The following ZNF329 variants were observed in gnomAD, a reference collection of about 807,000 sequenced individuals.
ZNF329 encodes zinc finger protein 329.
Under a neutral mutation model 26.6 loss-of-function variants are expected in ZNF329, and 15 were observed. The ratio of observed to expected loss-of-function variants is 0.56; its 90% CI spans 0.38 to 0.87. ZNF329 has a LOEUF of 0.87. ZNF329 is among the 40% of genes least tolerant of loss of function. The probability of loss-of-function intolerance (pLI) is 0.00; values close to 1 mark genes in which losing one functional copy is unlikely to be tolerated. For missense variants in ZNF329, 651 were observed against 651.9 expected (o/e 1.00, Z 0.02); for synonymous variants, 239 against 233.5 (o/e 1.02, Z -0.21).
chr19:58,140,028 A>G (rs952648360), intron 3 of ZNF329, among the ~76,000 whole-genome samples: 1 of 152,206 alleles, frequency 6.6e-6, no homozygotes, highest in African/African-American at 2.4e-5. Context: ...TTCCACTGCT[A>G]CGGTTTGGAT....
At chr19:58,144,306 C>G (rs1028358466) in intron 1 of ZNF329, among the ~76,000 whole-genome samples, 5 of 146,928 alleles carry the variant, frequency 3.4e-5, no homozygotes, top group Admixed American at 1.4e-4. Context: ...TCCTGAGTAG[C>G]CAGGACTACA....
chr19:58,128,031 G>A lies in ZNF329; in HGVS notation c.1473C>T (p.Ser491=). The A allele has an allele frequency of 6.2e-7, 1 of 1,613,982 alleles. No individual in the cohort carries two copies. Among genetic ancestry groups the A allele is most frequent in the Non-Finnish European group, 8.5e-7 (1 of 1,179,988 alleles). ...TPYQCPECGK[S]FKQNSHLAVH... Reference sequence around the variant, plus strand: ...CTGCCAGGTGAGAGTTCTGCTTGAAGGACTTCCCACATTCTGGACACTGAT... The same window carrying A: ...CTGCCAGGTGAGAGTTCTGCTTGAAAGACTTCCCACATTCTGGACACTGAT... Residue 491 remains serine, a synonymous_variant, in exon 4 of 4, where the codon TCC becomes TCT. Transcript: ENST00000598312.
At chr19:58,152,287 T>C (rs1340980244), upstream of ZNF329, among the ~76,000 whole-genome samples, 1 of 151,934 alleles carries the variant, frequency 6.6e-6, no homozygotes, top group Non-Finnish European at 1.5e-5. Context: ...TCCAACTCTT[T>C]GGGAAGCCGG....
At chr19:58,148,713 A>T (rs1446337400) in intron 1 of ZNF329, among the ~76,000 whole-genome samples, 39 of 152,196 alleles carry the variant, frequency 2.6e-4, no homozygotes, top group Non-Finnish European at 3.4e-4. Flanking sequence ...TTAAAAAATA[A>T]GAACGTTACT....
chr19:58,142,346 G>A (rs978447940), intron 3 of ZNF329, among the ~76,000 whole-genome samples: 2 of 152,138 alleles, frequency 1.3e-5, no homozygotes, highest in African/African-American at 4.8e-5. Context: ...ACAATGAATT[G>A]TACACTTAAA....
At chr19:58,136,629 T>C (rs1387107706) in intron 3 of ZNF329, 1 of 135,256 alleles carries the variant, frequency 7.4e-6, no homozygotes, top group Non-Finnish European at 1.5e-5. Context: ...AAGGCTGCAG[T>C]GAGTCATGAT....
Position 58,128,122 on chromosome 19 carries a change from C to A in ZNF329, c.1382G>T (p.Gly461Val). The A allele has an allele frequency of 6.3e-7, 1 of 1,596,518 alleles. No individual in the cohort carries two copies. The highest frequency in any genetic ancestry group is 1.1e-5 in the South Asian group (1 of 88,084). The change falls in exon 4 of 4, where the codon GGC (glycine) becomes GTC (valine). Residue 461 changes from glycine to valine, a missense_variant. Gly to Val is a moderately radical substitution (Grantham distance 109). Coordinates refer to ENST00000598312, the MANE Select transcript of ZNF329 (RefSeq NM_024620.4). Reference protein sequence around the residue: ...GEKPYECNQCGKAFRDSSCLT... With the variant: ...GEKPYECNQCVKAFRDSSCLT... ...ACAGGAGCTGTCCCTGAAGGCTTTG[C>A]CACACTGATTACACTCATAGGGCTT... is the stretch of plus-strand genomic sequence containing the variant.
At chr19:58,146,564 C>T (rs1187139336) in intron 1 of ZNF329, among the ~76,000 whole-genome samples, 1 of 141,606 alleles carries the variant, frequency 7.1e-6, no homozygotes, top group African/African-American at 3.2e-5. Context: ...CACGGTCTCC[C>T]TCTCCCTCTC....
chr19:58,139,728 G>C (rs2075144597), intron 3 of ZNF329, among the ~76,000 whole-genome samples: 1 of 152,136 alleles, frequency 6.6e-6, no homozygotes, highest in Non-Finnish European at 1.5e-5. Flanking sequence ...GTTCTGAATA[G>C]ATATTTCCCC....
intron 1 of ZNF329, 48 bp downstream of exon 1, chr19:58,150,704 C>T (rs2075432596): frequency 6.5e-6 from 1 of 152,746 alleles, no homozygotes; most frequent in African/African-American, 2.4e-5. Context: ...GACTTCCCTC[C>T]GCAGGAAACG....
chr19:58,142,223 G>C (rs1326625362), intron 3 of ZNF329, among the ~76,000 whole-genome samples: 1 of 152,144 alleles, frequency 6.6e-6, no homozygotes, highest in Admixed American at 6.6e-5. Context: ...CCTAGGGCTG[G>C]GAAAGATGGG....
In ZNF329 at chr19:58,128,718, A is replaced by C. The variant is rs1421778879; in HGVS notation, c.786T>G (p.Ser262Arg). Residue 262 changes from serine to arginine, a missense_variant, in exon 4 of 4, where the codon AGT becomes AGG. Coordinates refer to ENST00000598312, the MANE Select transcript of ZNF329 (RefSeq NM_024620.4). ...IHTGEKPYEC[S>R]KCGKAFSDGS... ...CATCACTGAAAGCTTTCCCACATTT[A>C]CTGCATTCATAGGGCTTCTCTCCTG... is the stretch of plus-strand genomic sequence containing the variant. 1.2e-6 allele frequency: 2 copies of C among 1,607,186 alleles called. No individual in the cohort carries two copies. Among genetic ancestry groups the C allele is most frequent in the Non-Finnish European group, 1.7e-6 (2 of 1,177,060 alleles).
At chr19:58,152,223 T>A (rs1295661174), upstream of ZNF329, among the ~76,000 whole-genome samples, 2 of 152,154 alleles carry the variant, frequency 1.3e-5, no homozygotes, top group Admixed American at 1.3e-4. Flanking sequence ...AGTATTTTTT[T>A]AATTTCTCCA....
At chr19:58,133,208 A>G (rs2146076764) in intron 3 of ZNF329, among the ~76,000 whole-genome samples, 1 of 152,346 alleles carries the variant, frequency 6.6e-6, no homozygotes, top group Non-Finnish European at 1.5e-5. Flanking sequence ...CTGGAAACCC[A>G]AAGGTAACGG....
chr19:58,149,551 T>A (rs200947781), intron 1 of ZNF329, among the ~76,000 whole-genome samples: 2 of 152,110 alleles, frequency 1.3e-5, no homozygotes, highest in East Asian at 3.8e-4. Context: ...TCCTGCAACT[T>A]CTATGCAAAT....
At chr19:58,135,925 T>A (rs116814156) in intron 3 of ZNF329, among the ~76,000 whole-genome samples, 2,821 of 152,184 alleles carry the variant, frequency 0.019, 82 homozygotes, top group African/African-American at 0.064. Context: ...GAAAACCTGA[T>A]AGAAATTACA....
At chr19:58,145,275 C>T (rs1333088044) in intron 1 of ZNF329, among the ~76,000 whole-genome samples, 1 of 150,940 alleles carries the variant, frequency 6.6e-6, no homozygotes, top group Admixed American at 6.6e-5. Context: ...AGGCGTGAGC[C>T]ACCACTACAT....
chr19:58,139,930 G>A (rs1414032606), intron 3 of ZNF329, among the ~76,000 whole-genome samples: 1 of 152,290 alleles, frequency 6.6e-6, no homozygotes, highest in East Asian at 1.9e-4. Flanking sequence ...TTCACTGCCG[G>A]TGCAAATATA....
At position 58,128,924 on chromosome 19, in the gene ZNF329, G is replaced by A. The variant is rs760150111; in HGVS notation, c.580C>T (p.Gln194Ter). The A allele has an allele frequency of 1.2e-6, 2 of 1,613,962 alleles. No homozygotes were observed. The highest frequency in any genetic ancestry group is 2.7e-5 in the African/African-American group (2 of 74,914). Residue 194 changes from glutamine to a stop codon, truncating the protein, a stop_gained, in exon 4 of 4, where the codon CAG becomes TAG. Coordinates refer to ENST00000598312, the MANE Select transcript of ZNF329 (RefSeq NM_024620.4). LOFTEE classifies it high-confidence loss of function. ...TGTTTCTCTCCAGGGAGATTTCTCT[G>A]GTTTTCATTAAGCGATGAGCTCAGA... ...FTLSSSLNENQRNLPGEKQYR... is the reference protein window; with the variant it reads ...FTLSSSLNEN
Sources: allele counts gnomAD v4.1 joint callset (sites outside exome capture counted in the v4.1 genomes callset), GRCh38; gene constraint gnomAD v4.1.1; transcripts MANE v1.5; gene names NCBI Gene and HGNC (gene_info 2026-07-23, HGNC 2026-07-21).